AGBL4: variants seen among roughly 807,000 people sequenced by gnomAD.
AGBL4 encodes cytosolic carboxypeptidase 6.
A neutral mutation model predicts 66.4 loss-of-function variants in AGBL4; 58 were observed. That is an observed-to-expected ratio of 0.87 (90% CI 0.71 to 1.09). The LOEUF (loss-of-function observed/expected upper bound fraction) is 1.09. Ranked by LOEUF, AGBL4 falls within the 50% of genes least tolerant of loss-of-function variation. AGBL4 has a pLI of 0.00. For missense variants in AGBL4, 579 were observed against 631.0 expected (o/e 0.92, Z 0.88); for synonymous variants, 234 against 222.9 (o/e 1.05, Z -0.44).
Position 48,613,911 on chromosome 1 carries a change from C to T in AGBL4, c.951+20582G>A, listed in dbSNP as rs903581926. On this transcript the variant is annotated intron_variant, in intron 9 of 13. Coordinates refer to ENST00000371839, the MANE Select transcript of AGBL4 (RefSeq NM_032785.4). ...TTCATTTTTCCCATTCTCAAGGTTG[C>T]CTCCAGTTGTGCAATAATTATGAGT... 2.6e-5 allele frequency among the ~76,000 whole-genome samples: 4 copies of T among 152,296 alleles called. No homozygotes were observed. In the South Asian group the frequency reaches 8.3e-4, roughly 32 times the overall value.
chr1:49,918,804 C>G (rs1651870147), intron 1 of AGBL4, among the ~76,000 whole-genome samples: 1 of 152,190 alleles, frequency 6.6e-6, no homozygotes, highest in Admixed American at 6.6e-5. Context: ...AGACCAATAT[C>G]CTTGATGAAC....
chr1:48,955,946 T>G (rs1199627692), intron 5 of AGBL4, among the ~76,000 whole-genome samples: 1 of 152,212 alleles, frequency 6.6e-6, no homozygotes, highest in South Asian at 2.1e-4. Flanking sequence ...TAACTATTAT[T>G]ATTACCTTGC....
intron 3 of AGBL4, among the ~76,000 whole-genome samples, chr1:49,631,638 T>C (rs979581673): frequency 6.6e-6 from 1 of 152,156 alleles, no homozygotes; most frequent in Admixed American, 6.5e-5. Context: ...GACTGAACCA[T>C]TTCCAGAACC....
rs369518860 is a variant in AGBL4 at position 49,379,945 on chromosome 1, C to G, written c.283-134081G>C. On this transcript the variant is annotated intron_variant, in intron 3 of 13. Transcript: ENST00000371839. ...ATTCCCTTTGAAAACTGGCCTAAGA[C>G]AGGGATGCCCTCTCTCACCACTCCT... 4.6e-5 allele frequency among the ~76,000 whole-genome samples: 7 copies of G among 152,122 alleles called. No individual in the cohort carries two copies. The East Asian group carries it at 5.8e-4, about 13-fold the overall frequency.
intron 6 of AGBL4, among the ~76,000 whole-genome samples, chr1:48,748,109 T>C (rs1651050386): frequency 1.3e-5 from 2 of 152,124 alleles, no homozygotes; most frequent in Admixed American, 6.5e-5. Context: ...AGAATAGAGA[T>C]GATTTTACTG....
At chr1:48,824,265 TAAAA>T (rs1459459726) in intron 6 of AGBL4, among the ~76,000 whole-genome samples, 1 of 152,116 alleles carries the variant, frequency 6.6e-6, no homozygotes, top group Non-Finnish European at 1.5e-5. Context: ...AGCTAGGACC[TAAAA>T]TACATGGGGG....
chr1:49,781,532 C>T (rs1032386306), intron 2 of AGBL4, among the ~76,000 whole-genome samples: 1 of 151,962 alleles, frequency 6.6e-6, no homozygotes, highest in Non-Finnish European at 1.5e-5. Context: ...GAGAAAGGGA[C>T]AATTCAACAA....
intron 3 of AGBL4, among the ~76,000 whole-genome samples, chr1:49,549,395 A>G (rs1218157698): frequency 1.3e-5 from 2 of 151,454 alleles, no homozygotes; most frequent in Non-Finnish European, 1.5e-5. Flanking sequence ...TGCTCTTTCA[A>G]TCTTTTTGAT....
chr1:48,587,378 C>T (rs549437869), intron 10 of AGBL4, among the ~76,000 whole-genome samples: 27 of 151,984 alleles, frequency 1.8e-4, no homozygotes, highest in African/African-American at 5.8e-4. Context: ...TGCCACTCAA[C>T]GAATATTTGT....
intron 3 of AGBL4, among the ~76,000 whole-genome samples, chr1:49,477,888 A>G (rs1409593091): frequency 6.6e-6 from 1 of 151,742 alleles, no homozygotes; most frequent in Admixed American, 6.6e-5. Context: ...AAAGAACCAA[A>G]TAAAGATTCT....
chr1:48,716,290 G>C (rs1647049540), intron 6 of AGBL4, among the ~76,000 whole-genome samples: 1 of 152,268 alleles, frequency 6.6e-6, no homozygotes, highest in East Asian at 1.9e-4. Context: ...TGACTTCCCA[G>C]TCCATGAAGT....
intron 3 of AGBL4, among the ~76,000 whole-genome samples, chr1:49,353,478 T>C (rs375859812): frequency 6.6e-6 from 1 of 152,172 alleles, no homozygotes; most frequent in Non-Finnish European, 1.5e-5. Context: ...TCTGTACTTA[T>C]ACATGATCCA....
At chr1:49,865,460 G>A (rs1421660521) in intron 1 of AGBL4, among the ~76,000 whole-genome samples, 4 of 152,146 alleles carry the variant, frequency 2.6e-5, no homozygotes, top group Non-Finnish European at 5.9e-5. Context: ...GAGGGACCCA[G>A]GCAAATAGAG....
chr1:49,240,345 T>C (rs141241148), intron 4 of AGBL4, among the ~76,000 whole-genome samples: 1 of 152,056 alleles, frequency 6.6e-6, no homozygotes, highest in Non-Finnish European at 1.5e-5. Flanking sequence ...ACATTCTCCA[T>C]CCTCCAACTC....
intron 6 of AGBL4, among the ~76,000 whole-genome samples, chr1:48,717,319 T>C (rs1647067951): frequency 6.6e-6 from 1 of 152,168 alleles, no homozygotes; most frequent in Admixed American, 6.5e-5. Context: ...ACTGTGCATG[T>C]ATATGTCTAT....
chr1:49,307,176 A>G (rs1048544346), intron 3 of AGBL4, among the ~76,000 whole-genome samples: 16 of 152,174 alleles, frequency 1.1e-4, no homozygotes, highest in African/African-American at 3.6e-4. Flanking sequence ...AAAGTTCCAC[A>G]TTTGGAAAGT....
At chr1:49,921,432 G>T (rs972333620) in intron 1 of AGBL4, among the ~76,000 whole-genome samples, 1 of 151,930 alleles carries the variant, frequency 6.6e-6, no homozygotes, top group Non-Finnish European at 1.5e-5. Flanking sequence ...TAAGTATTAG[G>T]GTTCTCCAGA....
chr1:48,633,069 G>A (rs2148412918), intron 9 of AGBL4, among the ~76,000 whole-genome samples: 1 of 152,298 alleles, frequency 6.6e-6, no homozygotes, highest in African/African-American at 2.4e-5. Flanking sequence ...GACAAAGAAG[G>A]ATGAGCTGGC....
At chr1:49,955,126 G>A (rs1164977377) in intron 1 of AGBL4, among the ~76,000 whole-genome samples, 1 of 151,706 alleles carries the variant, frequency 6.6e-6, no homozygotes, top group African/African-American at 2.4e-5. Flanking sequence ...ACAGACAAAG[G>A]ATTTTTAATG....
Sources: allele counts gnomAD v4.1 joint callset (sites outside exome capture counted in the v4.1 genomes callset), GRCh38; gene constraint gnomAD v4.1.1; transcripts MANE v1.5; gene names NCBI Gene and HGNC (gene_info 2026-07-23, HGNC 2026-07-21).